CHN1: variants seen among roughly 807,000 people sequenced by gnomAD.
The protein encoded by CHN1 is chimerin 1.
Under a neutral mutation model 59.5 loss-of-function variants are expected in CHN1, and 37 were observed. The observed-to-expected ratio is 0.62, with a 90% CI of 0.48 to 0.82. The LOEUF is 0.82. Ranked by LOEUF, CHN1 falls within the 40% of genes least tolerant of loss-of-function variation. The pLI is 0.00. For synonymous variants in CHN1, 206 were observed against 200.4 expected (o/e 1.03, Z -0.24); for missense variants, 469 against 571.0 (o/e 0.82, Z 1.82).
Position 174,824,434 on chromosome 2 carries a change from C to A in CHN1, c.712G>T (p.Asp238Tyr). ...CCAGAGACAAGACAAGAGCTCTTAC[C>A]TGCACATTTCACTCCCTGAGCAATG... is the stretch of plus-strand genomic sequence containing the variant. Reference protein sequence around the residue: ...GLIAQGVKCADCGLNVHKQCS... With the variant: ...GLIAQGVKCAYCGLNVHKQCS... Residue 238 changes from aspartate to tyrosine, a missense_variant and splice_region_variant, in exon 8 of 13, where the codon GAT (aspartate) becomes TAT (tyrosine). Around this residue, in one of 5 missense-constraint regions of CHN1, gnomAD observed 225 missense variants for 289.9 expected, o/e 0.78. Coordinates refer to ENST00000409900, the MANE Select transcript of CHN1 (RefSeq NM_001822.7). 5 of 1,600,656 alleles carry A rather than the reference C, an allele frequency of 3.1e-6. No homozygotes were observed. The highest frequency in any genetic ancestry group is 4.3e-6 in the Non-Finnish European group (5 of 1,173,144).
intron 7 of CHN1, among the ~76,000 whole-genome samples, chr2:174,838,627 G>A (rs1349304399): frequency 1.3e-5 from 2 of 152,094 alleles, no homozygotes; most frequent in African/African-American, 2.4e-5. Flanking sequence ...AAGAGATTAC[G>A]AGAAGGGGCT....
rs114962126 is a variant in CHN1, at chr2:174,974,169, C to T, written c.20-21967G>A. 5.4e-3 allele frequency among the ~76,000 whole-genome samples: 823 copies of T among 152,222 alleles called. 2 individuals carry two copies. Among genetic ancestry groups the T allele is most frequent in the Non-Finnish European group, 8.3e-3 (564 of 68,022 alleles). ...TTACTAAAATGGAAAGGTGGATAAT[C>T]GGTTTGTTTTAAAATATTCAAATAG... On this transcript the variant is annotated intron_variant, in intron 1 of 12. Coordinates refer to ENST00000409900, the MANE Select transcript of CHN1 (RefSeq NM_001822.7).
rs369457272 is a variant in CHN1, at chr2:174,804,871, C to A, written c.1103-3059G>T. Among the ~76,000 whole-genome samples the A allele has an allele frequency of 4.6e-5, 7 of 152,296 alleles. No individual in the cohort carries two copies. In the East Asian group the frequency reaches 1.3e-3, roughly 29 times the overall value. Reference sequence around the variant, plus strand: ...GTTCAGGTAGAGGACATTTACATCTCCAGGCTGGAGATATACATTTGGAAA... The same window carrying A: ...GTTCAGGTAGAGGACATTTACATCTACAGGCTGGAGATATACATTTGGAAA... On this transcript the variant is annotated intron_variant, in intron 11 of 12. Transcript: ENST00000409900.
In CHN1 at chr2:174,801,798, C is replaced by A; in HGVS notation, c.1117G>T (p.Asp373Tyr). 1 of 1,612,576 alleles carries A rather than the reference C, an allele frequency of 6.2e-7. No individual in the cohort carries two copies. Among genetic ancestry groups the A allele is most frequent in the African/African-American group, 1.3e-5 (1 of 74,994 alleles). ...FIESAKIMDP[D>Y]EQLETLHEAL... ...TCATGAAGGGTTTCCAATTGCTCAT[C>A]CGGATCCATAATTTCTAAAATAGCA... is the stretch of plus-strand genomic sequence containing the variant. The change falls in exon 12 of 13, where the codon GAT (aspartate) becomes TAT (tyrosine). Residue 373 changes from aspartate (D) to tyrosine (Y), a missense_variant. By Grantham distance (160) the Asp-to-Tyr change is radical. Coordinates refer to ENST00000409900, the MANE Select transcript of CHN1 (RefSeq NM_001822.7).
chr2:174,886,205 T>C (rs1574127596), intron 5 of CHN1, among the ~76,000 whole-genome samples: 1 of 152,374 alleles, frequency 6.6e-6, no homozygotes, highest in South Asian at 2.1e-4. Flanking sequence ...TTCAGATCCC[T>C]ATTTAATTCT....
intron 3 of CHN1, among the ~76,000 whole-genome samples, chr2:174,919,342 T>C (rs1014132221): frequency 3.9e-5 from 6 of 152,128 alleles, no homozygotes; most frequent in Middle Eastern, 6.3e-3. Context: ...GAGGTACTTA[T>C]TAAGCTGGGT....
intron 1 of CHN1, among the ~76,000 whole-genome samples, chr2:174,954,203 T>C (rs559019771): frequency 6.6e-6 from 1 of 152,216 alleles, no homozygotes; most frequent in East Asian, 1.9e-4. Flanking sequence ...AAGGATACCC[T>C]AATTCAACAA....
rs151039351 is a variant in CHN1 at position 174,993,574 on chromosome 2, G to A, written c.19+11320C>T. 3.8e-3 allele frequency among the ~76,000 whole-genome samples: 569 copies of A among 150,282 alleles called. 4 individuals carry two copies. The highest frequency in any genetic ancestry group is 0.013 in the African/African-American group (544 of 40,832). On this transcript the variant is annotated intron_variant, in intron 1 of 12. Transcript: ENST00000409900. ...TTCAATAAGTCCTTGGTAATGGGAG[G>A]AGCACCAAAAAAACACATGACAGTG...
intron 6 of CHN1, among the ~76,000 whole-genome samples, chr2:174,871,878 T>A (rs1259417614): frequency 6.6e-6 from 1 of 152,204 alleles, no homozygotes. Context: ...ATGGGAGGCA[T>A]ACAATAAATG....
chr2:174,867,628 T>C (rs1020335532), intron 6 of CHN1, among the ~76,000 whole-genome samples: 1 of 152,062 alleles, frequency 6.6e-6, no homozygotes, highest in Non-Finnish European at 1.5e-5. Context: ...CATTACATAA[T>C]GAATATTGAA....
At chr2:174,910,425 CAG>C (rs914127754) in intron 5 of CHN1, among the ~76,000 whole-genome samples, 1 of 151,488 alleles carries the variant, frequency 6.6e-6, no homozygotes, top group African/African-American at 2.4e-5. Flanking sequence ...AACTCTTGGA[CAG>C]AGTCTAAACA....
intron 1 of CHN1, among the ~76,000 whole-genome samples, chr2:174,966,002 CAT>C (rs748188875): frequency 3.9e-5 from 6 of 152,172 alleles, no homozygotes; most frequent in Non-Finnish European, 7.4e-5. Flanking sequence ...CTCCTAATAA[CAT>C]ACACGATTCT....
chr2:174,881,079 A>T (rs1041197219), intron 5 of CHN1, among the ~76,000 whole-genome samples: 1 of 151,726 alleles, frequency 6.6e-6, no homozygotes, highest in Non-Finnish European at 1.5e-5. Context: ...CTTCAGATTG[A>T]TCTATTTTAA....
chr2:174,990,165 C>T (rs895717081), intron 1 of CHN1, among the ~76,000 whole-genome samples: 2 of 151,890 alleles, frequency 1.3e-5, no homozygotes, highest in African/African-American at 4.8e-5. Flanking sequence ...TCAATCACTG[C>T]TCTTTCCTTC....
intron 1 of CHN1, 113 bp from the exon 2 acceptor site, chr2:174,952,315 T>G (rs2105413260): frequency 1.5e-6 from 1 of 659,416 alleles, no homozygotes; most frequent in East Asian, 3.5e-5. Flanking sequence ...TTCTAGGTAT[T>G]GTGCTAGGCA....
chr2:174,823,531 C>CG (rs1685572431), intron 8 of CHN1, among the ~76,000 whole-genome samples: 1 of 151,866 alleles, frequency 6.6e-6, no homozygotes, highest in Non-Finnish European at 1.5e-5. Flanking sequence ...GGTGTGGTGG[C>CG]GGGCACCTGT....
chr2:174,835,351 T>C (rs1414647330), intron 7 of CHN1, among the ~76,000 whole-genome samples: 2 of 152,238 alleles, frequency 1.3e-5, no homozygotes, highest in African/African-American at 4.8e-5. Context: ...ATTTATGATA[T>C]GCCTTGATGT....
At chr2:174,992,917 A>C (rs1691588583) in intron 1 of CHN1, among the ~76,000 whole-genome samples, 1 of 152,034 alleles carries the variant, frequency 6.6e-6, no homozygotes, top group African/African-American at 2.4e-5. Flanking sequence ...AGCCTCCCCA[A>C]ATAGCTGGAA....
intron 1 of CHN1, among the ~76,000 whole-genome samples, chr2:174,974,807 T>A (rs1690868702): frequency 6.6e-6 from 1 of 152,024 alleles, no homozygotes; most frequent in Admixed American, 6.6e-5. Flanking sequence ...ATAACATATA[T>A]GAAATAATTT....
Sources: allele counts gnomAD v4.1 joint callset (sites outside exome capture counted in the v4.1 genomes callset), GRCh38; gene constraint gnomAD v4.1.1; regional missense constraint gnomAD v4.1.1; transcripts MANE v1.5; gene names NCBI Gene and HGNC (gene_info 2026-07-23, HGNC 2026-07-21).